ZMIZ1: variants seen among roughly 807,000 people sequenced by gnomAD.
The protein encoded by ZMIZ1 is zinc finger MIZ-type containing 1, also known as zinc finger MIZ domain-containing protein 1.
ZMIZ1 carries 17 observed loss-of-function variants against 113.9 expected under a neutral mutation model. The observed-to-expected ratio is 0.15, with a 90% CI of 0.10 to 0.22. The LOEUF (loss-of-function observed/expected upper bound fraction) is 0.22, where lower values mean the gene tolerates loss of function less well. Ranked by LOEUF, ZMIZ1 falls within the 10% of genes least tolerant of loss-of-function variation. ZMIZ1 has a pLI of 1.00. For synonymous variants in ZMIZ1, 607 were observed against 603.1 expected, an observed-to-expected ratio of 1.01 and a Z score of -0.09; for missense variants, 1,059 against 1,477.8, an observed-to-expected ratio of 0.72 and a Z score of 4.65.
chr10:79,243,668 G>T (rs1850009222), intron 7 of ZMIZ1: 2 of 301,496 alleles, frequency 6.6e-6, no homozygotes, highest in Middle Eastern at 1.2e-3. Context: ...GTCGCTCGCC[G>T]CGGCCGCCGC....
chr10:79,285,797 A>G (rs1286286114), intron 8 of ZMIZ1, among the ~76,000 whole-genome samples: 2 of 152,266 alleles, frequency 1.3e-5, no homozygotes, highest in African/African-American at 4.8e-5. Flanking sequence ...AGGAATGCGA[A>G]GAGCCAGTGG....
chr10:79,239,173 C>G (rs1242563488), intron 7 of ZMIZ1, among the ~76,000 whole-genome samples: 1 of 152,184 alleles, frequency 6.6e-6, no homozygotes, highest in Non-Finnish European at 1.5e-5. Flanking sequence ...GGCAGAAGCC[C>G]CAGGAAGGGG....
At position 79,240,638 on chromosome 10, in the gene ZMIZ1, CTTTTT is replaced by C. The variant is rs56903717; in HGVS notation, c.280+24387_280+24391del. On this transcript the variant is annotated intron_variant, in intron 7 of 24. Coordinates refer to ENST00000334512, the MANE Select transcript of ZMIZ1 (RefSeq NM_020338.4). ...CGTAAATCTAGTGAAGAGTATTTAT[CTTTTT>C]TTTTTTTTTTTTTTTTTTTTTTGCT... Among the ~76,000 whole-genome samples, 90 of 55,320 alleles carry C rather than the reference CTTTTT, an allele frequency of 1.6e-3. No individual in the cohort carries two copies. In the East Asian group the frequency reaches 0.03, roughly 18 times the overall value. The allele number at this position is 55,320 out of a possible 152,430, so 36.3% of individuals were successfully genotyped here.
chr10:79,099,443 A>G (rs866791493), intron 1 of ZMIZ1, among the ~76,000 whole-genome samples: 3 of 152,176 alleles, frequency 2.0e-5, no homozygotes, highest in Non-Finnish European at 2.9e-5. Context: ...GTTTGCCTTT[A>G]AAAAAGGTGG....
chr10:79,210,813 G>GAA (rs1848500328), intron 6 of ZMIZ1, among the ~76,000 whole-genome samples: 1 of 152,168 alleles, frequency 6.6e-6, no homozygotes, highest in Non-Finnish European at 1.5e-5. Context: ...TTTGTATGGG[G>GAA]GCAGGAGCTC....
chr10:79,176,459 C>T (rs1846873640), intron 4 of ZMIZ1, among the ~76,000 whole-genome samples: 1 of 152,068 alleles, frequency 6.6e-6, no homozygotes, highest in Non-Finnish European at 1.5e-5. Context: ...AACCCAGTCA[C>T]CCTCCCAATC....
chr10:79,088,459 G>A (rs1452600202), intron 1 of ZMIZ1, among the ~76,000 whole-genome samples: 1 of 152,228 alleles, frequency 6.6e-6, no homozygotes, highest in African/African-American at 2.4e-5. Flanking sequence ...GGTAAACATG[G>A]GTGTTCAGGC....
At chr10:79,208,992 A>G (rs1367208869) in intron 6 of ZMIZ1, among the ~76,000 whole-genome samples, 2 of 152,142 alleles carry the variant, frequency 1.3e-5, no homozygotes, top group African/African-American at 4.8e-5. Flanking sequence ...TTTCCTCTGT[A>G]GCGGAGGAGG....
intron 23 of ZMIZ1, 27 bp from the exon 24 acceptor site, chr10:79,310,895 CTT>C (rs1172376737): frequency 2.5e-6 from 4 of 1,601,518 alleles, no homozygotes; most frequent in Non-Finnish European, 3.4e-6. Flanking sequence ...CCTCACCTCT[CTT>C]CTCTCCCGCT....
chr10:79,095,574 A>G (rs1432042610), intron 1 of ZMIZ1, among the ~76,000 whole-genome samples: 1 of 152,076 alleles, frequency 6.6e-6, no homozygotes, highest in Non-Finnish European at 1.5e-5. Flanking sequence ...TTCTTACCTG[A>G]CTGCTCTGAG....
chr10:79,073,170 C>T (rs892852053), intron 1 of ZMIZ1, among the ~76,000 whole-genome samples: 1 of 152,158 alleles, frequency 6.6e-6, no homozygotes, highest in African/African-American at 2.4e-5. Context: ...AGTAACTCTC[C>T]TGTGCTGGAC....
At chr10:79,146,316 A>G (rs958013250) in intron 3 of ZMIZ1, among the ~76,000 whole-genome samples, 4 of 152,134 alleles carry the variant, frequency 2.6e-5, no homozygotes, top group African/African-American at 9.7e-5. Flanking sequence ...GGAGACACAG[A>G]TCCCCAATGC....
intron 3 of ZMIZ1, among the ~76,000 whole-genome samples, chr10:79,144,247 CA>C (rs772540014): frequency 4.6e-5 from 7 of 152,160 alleles, no homozygotes; most frequent in Admixed American, 1.3e-4. Context: ...ATGGGTAAAA[CA>C]GGGTTAGAGA....
chr10:79,089,579 A>G (rs1250000), intron 1 of ZMIZ1, among the ~76,000 whole-genome samples: 106,088 of 152,074 alleles, frequency 0.7, 38,028 homozygotes, highest in African/African-American at 0.88. Flanking sequence ...GGTAGAAATT[A>G]GGGGTTCTGG....
intron 4 of ZMIZ1, among the ~76,000 whole-genome samples, chr10:79,172,850 T>G (rs10824726): frequency 0.19 from 29,478 of 152,190 alleles, 3,203 homozygotes; most frequent in Middle Eastern, 0.24. Context: ...ACAACCAGTG[T>G]CTGGATAATG....
intron 8 of ZMIZ1, among the ~76,000 whole-genome samples, chr10:79,286,437 C>T (rs1013934619): frequency 3.3e-5 from 5 of 152,254 alleles, no homozygotes; most frequent in African/African-American, 4.8e-5. Flanking sequence ...AGATGAGTCA[C>T]GGTCCTGTCG....
chr10:79,137,826 TGGG>T lies in ZMIZ1; in HGVS notation c.-226-1848_-226-1846del, dbSNP rs58837494. Among the ~76,000 whole-genome samples the T allele has an allele frequency of 7.4e-3, 1,007 of 135,830 alleles. 5 individuals carry two copies. Among genetic ancestry groups the T allele is most frequent in the South Asian group, 0.02 (77 of 3,860 alleles). The allele number at this position is 135,830 out of a possible 152,430, so 89.1% of individuals were successfully genotyped here. Reference sequence around the variant, plus strand: ...ACCTCTGAGAGGACGGGCCCTCGGCTGGGGGGGGGGTGCTCCTAGGGTGGGCGC... The same window carrying T: ...ACCTCTGAGAGGACGGGCCCTCGGCTGGGGGGGTGCTCCTAGGGTGGGCGC... On this transcript the variant is annotated intron_variant, in intron 2 of 24. Coordinates refer to ENST00000334512, the MANE Select transcript of ZMIZ1 (RefSeq NM_020338.4).
At chr10:79,283,899 C>T (rs1441568153) in intron 8 of ZMIZ1, among the ~76,000 whole-genome samples, 1 of 152,236 alleles carries the variant, frequency 6.6e-6, no homozygotes, top group East Asian at 1.9e-4. Flanking sequence ...GCTTCAGCTC[C>T]TCACTGGCTT....
chr10:79,102,738 A>G (rs1024358353), intron 1 of ZMIZ1, among the ~76,000 whole-genome samples: 1 of 152,236 alleles, frequency 6.6e-6, no homozygotes, highest in Non-Finnish European at 1.5e-5. Flanking sequence ...TACCAGGCCC[A>G]CATAGCACCT....
Sources: gnomAD v4.1 joint callset for allele counts (sites outside exome capture counted in the v4.1 genomes callset) on GRCh38, gnomAD v4.1.1 for gene constraint, MANE v1.5 for transcripts, NCBI Gene and HGNC (gene_info 2026-07-23, HGNC 2026-07-21) for gene names.